The following ATG5 variants were observed in gnomAD, a reference collection of about 807,000 sequenced individuals.
ATG5 encodes the protein autophagy protein 5.
In ATG5, 14 loss-of-function variants were observed where a neutral mutation model predicts 36.5. The ratio of observed to expected loss-of-function variants is 0.38; its 90% confidence interval spans 0.25 to 0.60. The LOEUF (loss-of-function observed/expected upper bound fraction) is 0.60. Ranked by LOEUF, ATG5 falls within the 20% of genes least tolerant of loss-of-function variation. The pLI is 0.60. For synonymous variants in ATG5, 95 were observed against 101.5 expected (o/e 0.94, Z 0.38); for missense variants, 195 against 326.7 (o/e 0.60, Z 3.11).
At chr6:106,237,191 C>T (rs1201781008) in intron 6 of ATG5, among the ~76,000 whole-genome samples, 1 of 152,052 alleles carries the variant, frequency 6.6e-6, no homozygotes, top group Admixed American at 6.6e-5. Context: ...CAATGAAATA[C>T]ATTACATAAA....
At chr6:106,203,359 A>C (rs1387229519) in intron 6 of ATG5, among the ~76,000 whole-genome samples, 1 of 152,162 alleles carries the variant, frequency 6.6e-6, no homozygotes, top group Non-Finnish European at 1.5e-5. Flanking sequence ...AAGATCTATG[A>C]TCTTGTACCC....
At chr6:106,297,717 AACACACACACACACACACACACACACAC>A (rs56336702) in intron 3 of ATG5, among the ~76,000 whole-genome samples, 8 of 135,520 alleles carry the variant, frequency 5.9e-5, no homozygotes, top group South Asian at 2.5e-4. Flanking sequence ...AAATGACTTA[AACACACACACACACACACACACACACAC>A]ACACACACAC....
intron 4 of ATG5, among the ~76,000 whole-genome samples, chr6:106,290,318 T>A (rs1438170507): frequency 6.6e-6 from 1 of 151,738 alleles, no homozygotes; most frequent in Non-Finnish European, 1.5e-5. Context: ...TCATTCATTC[T>A]TTCATTCGTT....
rs140942268 is a variant in ATG5 at position 106,319,220 on chromosome 6, A to G, written c.-58-2954T>C. Among the ~76,000 whole-genome samples the G allele has an allele frequency of 1.2e-4, 19 of 152,338 alleles. 1 individual carries two copies. Among genetic ancestry groups the G allele is most frequent in the Admixed American group, 6.5e-4 (10 of 15,302 alleles). The stretch of plus-strand genomic sequence containing the variant: ...TGTACTATAAAGGTTATCTACTATT[A>G]TAATTTACAGAACAAGAACATGTCT... On this transcript the variant is annotated intron_variant, in intron 1 of 7. Transcript: ENST00000369076.
intron 4 of ATG5, among the ~76,000 whole-genome samples, chr6:106,285,266 T>C (rs1295624780): frequency 6.6e-6 from 1 of 152,244 alleles, no homozygotes; most frequent in African/African-American, 2.4e-5. Context: ...GTGGTTTTTT[T>C]AAGTTACTGA....
At chr6:106,319,653 C>T (rs375903296) in intron 1 of ATG5, among the ~76,000 whole-genome samples, 48 of 152,260 alleles carry the variant, frequency 3.2e-4, no homozygotes, top group African/African-American at 1.2e-3. Context: ...GCAGAACTCG[C>T]CTTGTTTTCT....
intron 6 of ATG5, among the ~76,000 whole-genome samples, chr6:106,228,394 T>C (rs1275024540): frequency 1.3e-5 from 2 of 152,168 alleles, no homozygotes; most frequent in African/African-American, 4.8e-5. Context: ...TTGCCATTGT[T>C]CCTACGCGGC....
At chr6:106,282,890 G>A (rs1562254429) in intron 4 of ATG5, among the ~76,000 whole-genome samples, 1 of 151,970 alleles carries the variant, frequency 6.6e-6, no homozygotes, top group Non-Finnish European at 1.5e-5. Context: ...GGGCCCAAGC[G>A]ATCCTCCCAA....
chr6:106,221,544 C>T (rs760725276), intron 6 of ATG5, among the ~76,000 whole-genome samples: 1 of 151,634 alleles, frequency 6.6e-6, no homozygotes, highest in Admixed American at 6.6e-5. Context: ...AAATTAGCTG[C>T]GCCTGGTGGT....
intron 6 of ATG5, among the ~76,000 whole-genome samples, chr6:106,236,596 G>A (rs1388808075): frequency 2.0e-5 from 3 of 152,096 alleles, no homozygotes; most frequent in Non-Finnish European, 4.4e-5. Flanking sequence ...TAACAATATC[G>A]TGTATCTTTT....
At chr6:106,197,177 C>T (rs555087878) in intron 7 of ATG5, among the ~76,000 whole-genome samples, 61 of 151,972 alleles carry the variant, frequency 4.0e-4, no homozygotes, top group Non-Finnish European at 6.3e-4. Context: ...TTTAAAACAA[C>T]ATATTTTAAA....
intron 5 of ATG5, among the ~76,000 whole-genome samples, chr6:106,255,832 A>G (rs1778778382): frequency 6.6e-6 from 1 of 152,224 alleles, no homozygotes; most frequent in Non-Finnish European, 1.5e-5. Context: ...AGATTTACAG[A>G]GCTACAGCAC....
intron 5 of ATG5, among the ~76,000 whole-genome samples, chr6:106,277,063 A>G (rs1005127609): frequency 1.3e-5 from 2 of 152,218 alleles, no homozygotes; most frequent in African/African-American, 4.8e-5. Context: ...CAAAGAAATG[A>G]GAAATGAAAA....
At chr6:106,195,421 C>G (rs1252566497) in intron 7 of ATG5, among the ~76,000 whole-genome samples, 1 of 152,134 alleles carries the variant, frequency 6.6e-6, no homozygotes, top group Admixed American at 6.5e-5. Context: ...TACAGGTGAA[C>G]TGAACCAGGC....
At position 106,248,070 on chromosome 6, in the gene ATG5, A is replaced by C. The variant is rs1250800718; in HGVS notation, c.573+80T>G. ...ATACCGTTTAGTTACTATGCAGACA[A>C]AGAGTTCTACACTAGAGTGCTTCAA... On this transcript the variant is annotated intron_variant, in intron 6 of 7. Transcript: ENST00000369076. The C allele has an allele frequency of 4.5e-5, 49 of 1,100,658 alleles. No individual in the cohort carries two copies. In the Admixed American group the frequency reaches 8.8e-4, roughly 20 times the overall value. The allele number at this position is 1,100,658 out of a possible 1,614,324, so 68.2% of individuals were successfully genotyped here. A position where few individuals can be genotyped will look rare whatever the true frequency, so the allele number is the denominator to read the frequency against.
At chr6:106,249,145 C>T (rs1239652047) in intron 5 of ATG5, among the ~76,000 whole-genome samples, 1 of 151,902 alleles carries the variant, frequency 6.6e-6, no homozygotes, top group Non-Finnish European at 1.5e-5. Context: ...ATTTGCATAC[C>T]ATAAAATTCA....
chr6:106,262,200 G>A (rs1006638915), intron 5 of ATG5, among the ~76,000 whole-genome samples: 1 of 152,204 alleles, frequency 6.6e-6, no homozygotes, highest in Non-Finnish European at 1.5e-5. Context: ...AGCCTCCTGA[G>A]TAGCTCGGAT....
chr6:106,257,611 C>T (rs1013222873), intron 5 of ATG5, among the ~76,000 whole-genome samples: 3 of 152,314 alleles, frequency 2.0e-5, no homozygotes, highest in Non-Finnish European at 2.9e-5. Context: ...GGTTCCACCT[C>T]TTGGTAGTTC....
intron 6 of ATG5, among the ~76,000 whole-genome samples, chr6:106,202,706 G>A (rs953741401): frequency 6.6e-6 from 1 of 152,086 alleles, no homozygotes; most frequent in Non-Finnish European, 1.5e-5. Context: ...CTGCCACCCC[G>A]GCTGGAGTGC....
Sources: gnomAD v4.1 joint callset for allele counts (sites outside exome capture counted in the v4.1 genomes callset) on GRCh38, gnomAD v4.1.1 for gene constraint, MANE v1.5 for transcripts, NCBI Gene and HGNC (gene_info 2026-07-23, HGNC 2026-07-21) for gene names.